The following NOL10 variants were observed in gnomAD, a reference collection of about 807,000 sequenced individuals.
The protein encoded by NOL10 is H_NH0074G24.1.
NOL10 carries 58 observed loss-of-function variants against 103.5 expected under a neutral mutation model. The ratio of observed to expected loss-of-function variants is 0.56; its 90% confidence interval spans 0.45 to 0.70. The LOEUF is 0.70. Among genes scored for constraint, NOL10 ranks in the 30% least tolerant of loss-of-function variants. NOL10 has a pLI of 0.00. For missense variants in NOL10, 763 were observed against 807.3 expected (o/e 0.95, Z 0.67); for synonymous variants, 287 against 282.5 (o/e 1.02, Z -0.16).
At chr2:10,612,928 C>T (rs1676647050) in intron 13 of NOL10, among the ~76,000 whole-genome samples, 1 of 150,482 alleles carries the variant, frequency 6.6e-6, no homozygotes, top group Non-Finnish European at 1.5e-5. Context: ...ATTCCTGAGG[C>T]TGAGATGGGA....
intron 1 of NOL10, among the ~76,000 whole-genome samples, chr2:10,685,488 TCCCCCCCCCC>T (rs56198509): frequency 0.012 from 103 of 8,396 alleles, 22 homozygotes; most frequent in East Asian, 0.097. Flanking sequence ...AGAGACTCCG[TCCCCCCCCCC>T]CCCCCCCCCG....
intron 1 of NOL10, among the ~76,000 whole-genome samples, chr2:10,684,989 C>G (rs1046677819): frequency 1.3e-5 from 2 of 152,178 alleles, no homozygotes; most frequent in Non-Finnish European, 2.9e-5. Flanking sequence ...CATGGGCCAC[C>G]AGGCCCGGCC....
At chr2:10,588,354 C>G (rs941378581) in intron 19 of NOL10, among the ~76,000 whole-genome samples, 11 of 152,182 alleles carry the variant, frequency 7.2e-5, no homozygotes, top group Admixed American at 6.5e-4. Flanking sequence ...ATAATCCAAC[C>G]TGAAACTCTG....
At chr2:10,686,828 A>G (rs1298368608) in intron 1 of NOL10, among the ~76,000 whole-genome samples, 2 of 142,312 alleles carry the variant, frequency 1.4e-5, no homozygotes, top group Non-Finnish European at 3.2e-5. Flanking sequence ...AGGGAAGACC[A>G]CTAGGTTGCA....
At chr2:10,620,853 T>C (rs564836697) in intron 13 of NOL10, among the ~76,000 whole-genome samples, 1 of 152,316 alleles carries the variant, frequency 6.6e-6, no homozygotes, top group Non-Finnish European at 1.5e-5. Context: ...CGGAGTGCAG[T>C]GGCATGATCT....
At chr2:10,645,772 G>A (rs988015956) in intron 12 of NOL10, among the ~76,000 whole-genome samples, 1 of 151,716 alleles carries the variant, frequency 6.6e-6, no homozygotes, top group South Asian at 2.1e-4. Flanking sequence ...CTCATGATCC[G>A]CCCGCCTCGG....
intron 13 of NOL10, among the ~76,000 whole-genome samples, chr2:10,635,406 C>A (rs1678136463): frequency 6.6e-6 from 1 of 152,044 alleles, no homozygotes; most frequent in African/African-American, 2.4e-5. Context: ...ACTATTTTGC[C>A]CCAGATATGT....
At chr2:10,639,969 AG>A (rs899585966) in intron 13 of NOL10, among the ~76,000 whole-genome samples, 1 of 152,216 alleles carries the variant, frequency 6.6e-6, no homozygotes, top group Middle Eastern at 3.2e-3. Flanking sequence ...GTGGTGTATC[AG>A]GAACTGCATT....
rs761634365 is a variant in NOL10 at position 10,577,742 on chromosome 2, T to C, written c.1845-4A>G. The C allele has an allele frequency of 1.8e-5, 28 of 1,589,498 alleles. No individual in the cohort carries two copies. Among genetic ancestry groups the C allele is most frequent in the South Asian group, 1.0e-4 (9 of 87,730 alleles). On this transcript the variant is annotated splice_region_variant and splice_polypyrimidine_tract_variant and intron_variant, in intron 19 of 20. Transcript: ENST00000381685. Reference sequence around the variant, plus strand: ...CAAACGATCTTCAAGGGTTTTGCTATGGGAAATTCAAAAGAATGCCACATT... The same window carrying C: ...CAAACGATCTTCAAGGGTTTTGCTACGGGAAATTCAAAAGAATGCCACATT...
chr2:10,619,219 T>C (rs1222360575), intron 13 of NOL10, among the ~76,000 whole-genome samples: 1 of 123,326 alleles, frequency 8.1e-6, no homozygotes, highest in Non-Finnish European at 1.7e-5. Context: ...TGATCATAGC[T>C]CACTGCAGCC....
intron 12 of NOL10, among the ~76,000 whole-genome samples, chr2:10,649,103 A>G (rs190971717): frequency 7.2e-5 from 11 of 152,192 alleles, no homozygotes; most frequent in African/African-American, 2.7e-4. Context: ...AATTTCAATG[A>G]TTTTCAGGAG....
chr2:10,645,661 G>A (rs1679010696), intron 12 of NOL10, among the ~76,000 whole-genome samples: 1 of 151,562 alleles, frequency 6.6e-6, no homozygotes, highest in Non-Finnish European at 1.5e-5. Flanking sequence ...AGCCTCCCGA[G>A]TAGCTGGGAC....
intron 20 of NOL10, among the ~76,000 whole-genome samples, chr2:10,574,457 C>G (rs144121485): frequency 8.1e-4 from 124 of 152,272 alleles, no homozygotes; most frequent in African/African-American, 2.8e-3. Flanking sequence ...ATCATCCTGG[C>G]TAACACGGTG....
At chr2:10,594,071 A>C (rs957254177) in intron 17 of NOL10, among the ~76,000 whole-genome samples, 1 of 152,146 alleles carries the variant, frequency 6.6e-6, no homozygotes, top group Non-Finnish European at 1.5e-5. Context: ...TGGCAGGAAA[A>C]ACTAATTGAA....
intron 13 of NOL10, among the ~76,000 whole-genome samples, chr2:10,618,235 G>C (rs1676938888): frequency 1.1e-5 from 1 of 95,162 alleles, no homozygotes. Flanking sequence ...TCTTTAAAAA[G>C]CTGTTTTTTT....
chr2:10,638,792 CTTTTTTTTT>C (rs575658225), intron 13 of NOL10, among the ~76,000 whole-genome samples: 13 of 52,858 alleles, frequency 2.5e-4, no homozygotes, highest in African/African-American at 1.0e-3. Flanking sequence ...CGTGCCTGGC[CTTTTTTTTT>C]TTTTTTTTTT....
intron 19 of NOL10, among the ~76,000 whole-genome samples, chr2:10,578,883 C>T (rs1336441886): frequency 1.3e-5 from 2 of 152,176 alleles, no homozygotes; most frequent in African/African-American, 4.8e-5. Context: ...TCTGTTCCCT[C>T]CTCAAAAATA....
chr2:10,662,208 T>C (rs1680256498), intron 9 of NOL10, among the ~76,000 whole-genome samples: 1 of 152,182 alleles, frequency 6.6e-6, no homozygotes. Flanking sequence ...AATAAGTTAA[T>C]ATATGTAAAG....
chr2:10,595,996 A>G (rs1675670077), intron 17 of NOL10, among the ~76,000 whole-genome samples: 1 of 152,158 alleles, frequency 6.6e-6, no homozygotes, highest in Admixed American at 6.5e-5. Context: ...AATTGATACT[A>G]AAAAAGCTTT....
Sources: allele counts gnomAD v4.1 joint callset (sites outside exome capture counted in the v4.1 genomes callset), GRCh38; gene constraint gnomAD v4.1.1; transcripts MANE v1.5; gene names NCBI Gene and HGNC (gene_info 2026-07-23, HGNC 2026-07-21).